The following KCNQ1 variants were observed in gnomAD, a reference collection of about 807,000 sequenced individuals.
KCNQ1 encodes the protein potassium voltage-gated channel subfamily Q member 1.
Under a neutral mutation model 72.4 loss-of-function variants are expected in KCNQ1, and 49 were observed. That is an observed-to-expected ratio of 0.68 (90% CI 0.54 to 0.86). The LOEUF (loss-of-function observed/expected upper bound fraction) is 0.86. Among genes scored for constraint, KCNQ1 ranks in the 40% least tolerant of loss-of-function variants. The pLI is 0.00. For missense variants in KCNQ1, 790 were observed against 945.1 expected (o/e 0.84, Z 2.15); for synonymous variants, 450 against 412.6 (o/e 1.09, Z -1.10).
In KCNQ1 at chr11:2,472,957, G is replaced by A. The variant is rs80211015; in HGVS notation, c.386+27473G>A. ...CCCAGCACCGAGATGGGCATGAGCA[G>A]AGGGGCTCATGGTGATGGGGTGGGC... On this transcript the variant is annotated intron_variant, in intron 1 of 15. Transcript: ENST00000155840. 7.3e-3 allele frequency among the ~76,000 whole-genome samples: 1,112 copies of A among 152,192 alleles called. 34 individuals carry two copies. Among genetic ancestry groups the A allele is most frequent in the East Asian group, 0.057 (293 of 5,136 alleles).
Position 2,826,747 on chromosome 11 carries a change from C to T in KCNQ1, c.1795-21020C>T, listed in dbSNP as rs1186899883. Among the ~76,000 whole-genome samples, 1 of 152,248 alleles carries T rather than the reference C, an allele frequency of 6.6e-6. No individual in the cohort carries two copies. Among genetic ancestry groups the T allele is most frequent in the Non-Finnish European group, 1.5e-5 (1 of 68,040 alleles). On this transcript the variant is annotated intron_variant, in intron 15 of 15. Transcript: ENST00000155840. This position sits in a 1 kb window ranked among gnomAD's most constrained non-coding sequence, Gnocchi z 4.2. Reference sequence around the variant, plus strand: ...CGTCTTGGGGCCCCTGCCCTGCCTCCACTCAGAATCCCACTATGTGCTTGG... The same window carrying T: ...CGTCTTGGGGCCCCTGCCCTGCCTCTACTCAGAATCCCACTATGTGCTTGG...
rs111286952 is a variant in KCNQ1 at position 2,601,997 on chromosome 11, G to A, written c.1393+13143G>A. On this transcript the variant is annotated intron_variant, in intron 10 of 15. Coordinates refer to ENST00000155840, the MANE Select transcript of KCNQ1 (RefSeq NM_000218.3). The surrounding 1 kb of genome is among the most constrained non-coding windows in gnomAD (Gnocchi z 5.2). ...CCTTGAGATGGAGAGATCATCCTGGGTTATCTGAATGGGCCCGGTGTAATC... is the reference window on the plus strand; with the variant it reads ...CCTTGAGATGGAGAGATCATCCTGGATTATCTGAATGGGCCCGGTGTAATC... 9.7e-3 allele frequency among the ~76,000 whole-genome samples: 1,471 copies of A among 152,260 alleles called. 18 individuals carry two copies. The highest frequency in any genetic ancestry group is 0.029 in the African/African-American group (1,221 of 41,526).
At chr11:2,548,571 C>G (rs756819369) in intron 2 of KCNQ1, among the ~76,000 whole-genome samples, 2 of 152,208 alleles carry the variant, frequency 1.3e-5, no homozygotes, top group Admixed American at 1.3e-4. Flanking sequence ...GTCTGCAAAC[C>G]GCTACATTCT....
chr11:2,453,279 A>G (rs1846141163), intron 1 of KCNQ1, among the ~76,000 whole-genome samples: 1 of 152,200 alleles, frequency 6.6e-6, no homozygotes, highest in Non-Finnish European at 1.5e-5. Flanking sequence ...AGGCTGAGGC[A>G]GGAGAATCAC....
At chr11:2,728,250 C>T (rs1262175617) in intron 11 of KCNQ1, among the ~76,000 whole-genome samples, 1 of 152,210 alleles carries the variant, frequency 6.6e-6, no homozygotes, top group Admixed American at 6.5e-5. Flanking sequence ...TGTGGCTTCC[C>T]AAGGCTCTTC....
rs754931159 is a variant in KCNQ1 at position 2,848,050 on chromosome 11, A to C, written c.*47A>C. ...TGGGCCTGAGTGAGAGGGGAGGCCA[A>C]GAGTGGCCCCACCTGGCCCTCTCTG... On this transcript the variant is annotated 3_prime_UTR_variant, in exon 16 of 16. Coordinates refer to ENST00000155840, the MANE Select transcript of KCNQ1 (RefSeq NM_000218.3). 25 of 1,480,836 alleles carry C rather than the reference A, an allele frequency of 1.7e-5. No individual in the cohort carries two copies. Among genetic ancestry groups the C allele is most frequent in the Non-Finnish European group, 2.1e-5 (23 of 1,093,206 alleles). 91.7% of individuals were successfully genotyped at this position (1,480,836 alleles called of 1,614,324 possible).
At chr11:2,721,711 G>A (rs1378336032) in intron 11 of KCNQ1, among the ~76,000 whole-genome samples, 1 of 152,180 alleles carries the variant, frequency 6.6e-6, no homozygotes, top group Non-Finnish European at 1.5e-5. Flanking sequence ...GCAGGCCTCC[G>A]GCCGTTTGTC....
At chr11:2,775,934 G>A (rs1353511828) in intron 12 of KCNQ1, 26 bp from the exon 13 acceptor site, 4 of 1,550,238 alleles carry the variant, frequency 2.6e-6, no homozygotes, top group Non-Finnish European at 3.5e-6. Flanking sequence ...GGGAGGAGAA[G>A]TGATGCGTGT....
chr11:2,619,064 AG>A, intron 10 of KCNQ1: 1 of 398,456 alleles, frequency 2.5e-6, no homozygotes, highest in Non-Finnish European at 4.4e-6. Context: ...TAGTTCTAAC[AG>A]GTTGCTTTGT....
intron 15 of KCNQ1, among the ~76,000 whole-genome samples, chr11:2,822,600 C>T (rs1356035535): frequency 1.3e-5 from 2 of 152,216 alleles, no homozygotes; most frequent in Non-Finnish European, 2.9e-5. Flanking sequence ...TGGAAATTAG[C>T]TTAACTAAGT....
intron 6 of KCNQ1, among the ~76,000 whole-genome samples, chr11:2,574,979 C>T (rs898148746): frequency 2.6e-5 from 4 of 152,166 alleles, no homozygotes; most frequent in African/African-American, 4.8e-5. Flanking sequence ...GGGGGATGGA[C>T]GGCCCAGAGC....
chr11:2,489,199 C>T (rs1715540001), intron 1 of KCNQ1, among the ~76,000 whole-genome samples: 1 of 152,304 alleles, frequency 6.6e-6, no homozygotes, highest in East Asian at 1.9e-4. Flanking sequence ...GCCTCCCATC[C>T]CCCAGCTATG....
At chr11:2,529,805 C>CG (rs975140938) in intron 2 of KCNQ1, among the ~76,000 whole-genome samples, 4 of 152,112 alleles carry the variant, frequency 2.6e-5, no homozygotes, top group Non-Finnish European at 5.9e-5. Context: ...CTGCGGCCAG[C>CG]GGGGCCCTCC....
intron 15 of KCNQ1, among the ~76,000 whole-genome samples, chr11:2,821,956 C>T: frequency 6.6e-6 from 1 of 152,034 alleles, no homozygotes; most frequent in East Asian, 1.9e-4. Context: ...AGTGAAGGAT[C>T]CAGAGATGGG....
chr11:2,463,251 G>A lies in KCNQ1; in HGVS notation c.386+17767G>A, dbSNP rs1463634682. ...TGCCTGGAGAGCCTAATCCCTACCT[G>A]CCAGTGGGTGACACAGAAGGCAGGA... On this transcript the variant is annotated intron_variant, in intron 1 of 15. Coordinates refer to ENST00000155840, the MANE Select transcript of KCNQ1 (RefSeq NM_000218.3). This position sits in a 1 kb window ranked among gnomAD's most constrained non-coding sequence, Gnocchi z 7.0. Among the ~76,000 whole-genome samples the A allele has an allele frequency of 6.6e-6, 1 of 152,178 alleles. No individual in the cohort carries two copies. The highest frequency in any genetic ancestry group is 2.4e-5 in the African/African-American group (1 of 41,434).
intron 15 of KCNQ1, among the ~76,000 whole-genome samples, chr11:2,833,166 A>T (rs1450433475): frequency 1.3e-5 from 2 of 152,104 alleles, no homozygotes; most frequent in Non-Finnish European, 2.9e-5. Context: ...GTGCCTCTGG[A>T]GTCGAGGCAA....
intron 10 of KCNQ1, chr11:2,609,396 T>C (rs1378575395): frequency 2.5e-5 from 10 of 398,360 alleles, no homozygotes; most frequent in Admixed American, 8.8e-5. Flanking sequence ...CCTTGTATTA[T>C]TTCAATCCTT....
chr11:2,461,698 G>A (rs1374446042), intron 1 of KCNQ1: 1 of 1,367,102 alleles, frequency 7.3e-7, no homozygotes, highest in Non-Finnish European at 9.8e-7. Context: ...CTGAGCCAGT[G>A]CGGGGCCTGG....
intron 1 of KCNQ1, among the ~76,000 whole-genome samples, chr11:2,469,927 T>C (rs1164806970): frequency 6.6e-6 from 1 of 152,206 alleles, no homozygotes; most frequent in African/African-American, 2.4e-5. Context: ...CCCAAAGTGC[T>C]GGGATTACAG....
Sources: allele counts gnomAD v4.1 joint callset (sites outside exome capture counted in the v4.1 genomes callset), GRCh38; gene constraint gnomAD v4.1.1; non-coding constraint Gnocchi (gnomAD v3.1); transcripts MANE v1.5; gene names NCBI Gene and HGNC (gene_info 2026-07-23, HGNC 2026-07-21).